Variants in PRH1 observed in about 807,000 individuals in gnomAD.
PRH1 encodes salivary acidic proline-rich phosphoprotein 1/2.
PRH1 carries 7 observed loss-of-function variants against 7.9 expected under a neutral mutation model. The ratio of observed to expected loss-of-function variants is 0.89; its 90% CI spans 0.50 to 1.67. PRH1 has a LOEUF of 1.67. PRH1 is among the 40% of genes most tolerant of loss of function. The pLI, the probability that PRH1 is intolerant of heterozygous loss-of-function variation, is 0.00. For synonymous variants in PRH1, 45 were observed against 80.8 expected, an observed-to-expected ratio of 0.56 and a Z score of 2.38; for missense variants, 109 against 223.6, an observed-to-expected ratio of 0.49 and a Z score of 3.27.
chr12:11,092,430 A>G, intron 1 of PRH1: 1 of 321,108 alleles, frequency 3.1e-6, no homozygotes, highest in Non-Finnish European at 6.1e-6. Context: ...CAAAGCTTCC[A>G]CAGAGTGAAA....
At chr12:10,885,859 T>G (rs773979719), upstream of PRH1, among the ~76,000 whole-genome samples, 13 of 152,188 alleles carry the variant, frequency 8.5e-5, no homozygotes, top group Admixed American at 2.0e-4. Flanking sequence ...CAGGTGTGCA[T>G]GAGTGGATCC....
intron 1 of PRH1, chr12:11,034,756 TAGTC>T (rs1485770171): frequency 6.6e-6 from 1 of 152,404 alleles, no homozygotes; most frequent in Non-Finnish European, 1.5e-5. Context: ...ATGAAAAAGT[TAGTC>T]AGGCATAGTG....
intron 1 of PRH1, among the ~76,000 whole-genome samples, chr12:11,089,229 G>C (rs1219110716): frequency 8.6e-6 from 1 of 115,840 alleles, no homozygotes; most frequent in African/African-American, 2.9e-5. Flanking sequence ...GTGGGCATAA[G>C]GTATGACTTT....
intron 2 of PRH1, among the ~76,000 whole-genome samples, chr12:10,946,669 C>G (rs1040038613): frequency 9.9e-5 from 15 of 152,020 alleles, no homozygotes; most frequent in African/African-American, 3.4e-4. Context: ...TATTCCTTAT[C>G]TTCTGCTAGC....
At chr12:11,119,776 CAA>C (rs1253641224), downstream of PRH1, among the ~76,000 whole-genome samples, 1 of 152,114 alleles carries the variant, frequency 6.6e-6, no homozygotes, top group Non-Finnish European at 1.5e-5. Context: ...ATTCCTAGTT[CAA>C]GACCTTAGAC....
At position 11,090,204 on chromosome 12, in the gene PRH1, G is replaced by A. The variant is rs781538480; in HGVS notation, n.124-43016C>T. 7.0e-5 allele frequency among the ~76,000 whole-genome samples: 8 copies of A among 114,512 alleles called. 4 individuals carry two copies. The highest frequency in any genetic ancestry group is 1.7e-4 in the Non-Finnish European group (8 of 48,480). The allele number at this position is 114,512 out of a possible 152,430, so 75.1% of individuals were successfully genotyped here. On this transcript the variant is annotated intron_variant and non_coding_transcript_variant, in intron 1 of 4. Coordinates refer to the PRH1 transcript ENST00000541977. ...ATTGATGACAAAATTACAAAGTTAC[G>A]GCTCATCCCATAATTAATACATAGG... is the stretch of plus-strand genomic sequence containing the variant.
intron 2 of PRH1, among the ~76,000 whole-genome samples, chr12:10,893,475 A>G (rs1009705169): frequency 6.6e-6 from 1 of 152,216 alleles, no homozygotes; most frequent in African/African-American, 2.4e-5. Context: ...ATTACAATAG[A>G]TGCCAGCAGC....
chr12:11,135,375 C>A (rs1946518669), intron 1 of PRH1, among the ~76,000 whole-genome samples: 1 of 152,126 alleles, frequency 6.6e-6, no homozygotes, highest in Non-Finnish European at 1.5e-5. Flanking sequence ...GGCTAGTACA[C>A]TGTTCCCAGA....
At chr12:10,908,938 A>G in intron 2 of PRH1, 1 of 1,613,468 alleles carries the variant, frequency 6.2e-7, no homozygotes, top group African/African-American at 1.3e-5. Context: ...CACTTCAAAT[A>G]GAGAAAAGCA....
intron 1 of PRH1, among the ~76,000 whole-genome samples, chr12:11,072,251 TTCCG>T (rs1484459531): frequency 0.17 from 25,781 of 150,636 alleles, no homozygotes; most frequent in East Asian, 0.39. Flanking sequence ...CCTACCAAAG[TTCCG>T]GGATTGCAAG....
At chr12:10,900,683 C>T (rs1442652047) in intron 2 of PRH1, among the ~76,000 whole-genome samples, 1 of 152,224 alleles carries the variant, frequency 6.6e-6, no homozygotes, top group Non-Finnish European at 1.5e-5. Context: ...GTACCCCACC[C>T]TGTTCCCCTG....
At chr12:11,088,176 A>G in intron 1 of PRH1, among the ~76,000 whole-genome samples, 1 of 130,084 alleles carries the variant, frequency 7.7e-6, no homozygotes, top group African/African-American at 2.7e-5. Context: ...TCCTAGCCCT[A>G]CAGAAAATAC....
chr12:10,882,773 C>A, intron 2 of PRH1, 75 bp from the exon 3 acceptor site: 4 of 1,581,970 alleles, frequency 2.5e-6, no homozygotes, highest in Middle Eastern at 1.7e-4. Context: ...CTGTCTTCAC[C>A]ACACGGCCGG....
At chr12:11,030,347 G>A (rs1942129788) in intron 1 of PRH1, 1 of 1,555,650 alleles carries the variant, frequency 6.4e-7, no homozygotes, top group Admixed American at 2.0e-5. Context: ...AATATAAAAT[G>A]TTTCATACAC....
intron 1 of PRH1, among the ~76,000 whole-genome samples, chr12:11,068,851 T>C (rs1348762066): frequency 6.6e-6 from 1 of 152,142 alleles, no homozygotes; most frequent in African/African-American, 2.4e-5. Flanking sequence ...TAGTGGAAAT[T>C]CAAGCAAAAA....
intron 1 of PRH1, among the ~76,000 whole-genome samples, chr12:10,988,958 C>T (rs1324553659): frequency 6.6e-6 from 1 of 152,158 alleles, no homozygotes; most frequent in Non-Finnish European, 1.5e-5. Context: ...AGGCGCATGC[C>T]ACCACACCCA....
chr12:10,960,046 C>T (rs934919664), intron 2 of PRH1, among the ~76,000 whole-genome samples: 16 of 152,210 alleles, frequency 1.1e-4, no homozygotes, highest in African/African-American at 3.9e-4. Flanking sequence ...GCAACACGCA[C>T]TCACTGGTGA....
intron 2 of PRH1, among the ~76,000 whole-genome samples, chr12:10,906,828 C>A (rs1949811660): frequency 6.6e-6 from 1 of 152,092 alleles, no homozygotes; most frequent in Non-Finnish European, 1.5e-5. Context: ...ATGTCTTTAT[C>A]AGCAGCATGA....
At chr12:10,982,177 A>T (rs754186941) in intron 1 of PRH1, among the ~76,000 whole-genome samples, 4 of 152,194 alleles carry the variant, frequency 2.6e-5, no homozygotes, top group Non-Finnish European at 2.9e-5. Context: ...ACATTATTGT[A>T]AGCAGGACCA....
Sources: allele counts gnomAD v4.1 joint callset (sites outside exome capture counted in the v4.1 genomes callset), GRCh38; gene constraint gnomAD v4.1.1; transcripts MANE v1.5; gene names NCBI Gene and HGNC (gene_info 2026-07-23, HGNC 2026-07-21).